ZBTB39: variants seen among roughly 807,000 people sequenced by gnomAD.
The protein encoded by ZBTB39 is zinc finger and BTB domain-containing protein 39.
A neutral mutation model predicts 39.4 loss-of-function variants in ZBTB39; 25 were observed. The ratio of observed to expected loss-of-function variants is 0.63; its 90% confidence interval spans 0.46 to 0.89. The LOEUF (loss-of-function observed/expected upper bound fraction) is 0.89, where lower values mean the gene tolerates loss of function less well. Among genes scored for constraint, ZBTB39 ranks in the 40% least tolerant of loss-of-function variants. The probability of loss-of-function intolerance (pLI) is 0.00; values close to 1 mark genes in which losing one functional copy is unlikely to be tolerated. For synonymous variants in ZBTB39, 373 were observed against 359.6 expected (o/e 1.04, Z -0.42); for missense variants, 891 against 909.7 (o/e 0.98, Z 0.26).
chr12:57,001,403 T>C lies in ZBTB39; in HGVS notation c.*1376A>G, dbSNP rs374288686. On this transcript the variant is annotated 3_prime_UTR_variant, in exon 2 of 2. Transcript: ENST00000300101. ...GGCTGAGGCCAGGGACTCCCAGAGC[T>C]CACCTGAGCAGGGTGAGGTAGTATG... is the stretch of plus-strand genomic sequence containing the variant. The C allele has an allele frequency of 6.6e-6, 1 of 152,556 alleles. No homozygotes were observed. The highest frequency in any genetic ancestry group is 1.9e-4 in the East Asian group (1 of 5,198). The allele number at this position is 152,556 out of a possible 1,614,324, so 9.5% of individuals were successfully genotyped here. A position where few individuals can be genotyped will look rare whatever the true frequency, so the allele number is the denominator to read the frequency against.
Position 57,003,138 on chromosome 12 carries a change from G to C in ZBTB39, c.1780C>G (p.Leu594Val). ...LPAEEFLGEE[L>V]ALQGQPGNSK... ...TTCCCAGGTTGGCCCTGCAGCGCCA[G>C]CTCTTCACCCAGAAACTCCTCTGCT... Residue 594 changes from leucine (L) to valine (V), a missense_variant, in exon 2 of 2, where the codon CTG becomes GTG. Coordinates refer to ENST00000300101, the MANE Select transcript of ZBTB39 (RefSeq NM_014830.3). The surrounding 1 kb of genome is among the most constrained non-coding windows in gnomAD (Gnocchi z 4.8). 2.5e-6 allele frequency: 4 copies of C among 1,614,172 alleles called. No homozygotes were observed. The highest frequency in any genetic ancestry group is 1.1e-5 in the South Asian group (1 of 91,084).
chr12:57,003,222 G>A lies in ZBTB39; in HGVS notation c.1696C>T (p.Leu566Phe), dbSNP rs1253538802. 6.2e-7 allele frequency: 1 copy of A among 1,614,200 alleles called. No individual in the cohort carries two copies. Among genetic ancestry groups the A allele is most frequent in the South Asian group, 1.1e-5 (1 of 91,082 alleles). The change falls in exon 2 of 2, where the codon CTT (leucine) becomes TTT (phenylalanine). Residue 566 changes from leucine to phenylalanine, a missense_variant. Leu to Phe is a conservative substitution (Grantham distance 22). Transcript: ENST00000300101. The surrounding 1 kb of genome is among the most constrained non-coding windows in gnomAD (Gnocchi z 4.8). ...HVSQHKCNSG[L>F]DARPGFGLQH... ...AGCCCAAAACCAGGCCGTGCATCAA[G>A]GCCACTGTTGCATTTGTGCTGGCTG...
rs947988706 is a variant in ZBTB39 at position 57,001,269 on chromosome 12, A to C, written c.*1510T>G. On this transcript the variant is annotated 3_prime_UTR_variant, in exon 2 of 2. Coordinates refer to ENST00000300101, the MANE Select transcript of ZBTB39 (RefSeq NM_014830.3). ...GATGCTGGGTAATGTGTATACAAAA[A>C]CAAAAATAAATAAATATTAATGTCC... is the stretch of plus-strand genomic sequence containing the variant. The C allele has an allele frequency of 6.6e-6, 1 of 152,670 alleles. No homozygotes were observed. The highest frequency in any genetic ancestry group is 2.4e-5 in the African/African-American group (1 of 41,460). 9.5% of individuals were successfully genotyped at this position (152,670 alleles called of 1,614,324 possible). A position where few individuals can be genotyped will look rare whatever the true frequency, so the allele number is the denominator to read the frequency against.
chr12:57,002,846 A>C lies in ZBTB39; in HGVS notation c.2072T>G (p.Phe691Cys), dbSNP rs1388474411. ...GTACATGAAGGTCTGCTCGATGGTG[A>C]AGTCAGGGGGGAGGCTGCCTTTGTG... ...GVHKGSLPPD[F>C]TIEQTFMYII... Residue 691 changes from phenylalanine (F) to cysteine (C), a missense_variant, in exon 2 of 2, where the codon TTC (phenylalanine) becomes TGC (cysteine). By Grantham distance (205) the Phe-to-Cys change is radical. Transcript: ENST00000300101. The C allele has an allele frequency of 6.2e-7, 1 of 1,614,034 alleles. No homozygotes were observed. The highest frequency in any genetic ancestry group is 8.5e-7 in the Non-Finnish European group (1 of 1,180,036).
rs544683094 is a variant in ZBTB39, at chr12:56,998,915, T to C, written c.*3864A>G. 86 of 152,766 alleles carry C rather than the reference T, an allele frequency of 5.6e-4. No individual in the cohort carries two copies. Among genetic ancestry groups the C allele is most frequent in the African/African-American group, 2.0e-3 (83 of 41,576 alleles). 9.5% of individuals were successfully genotyped at this position (152,766 alleles called of 1,614,324 possible). ...GAATATAAAAGAATCAGATGTACAATGATTTTAGACATCTACTATTTGGGG... is the reference window on the plus strand; with the variant it reads ...GAATATAAAAGAATCAGATGTACAACGATTTTAGACATCTACTATTTGGGG... On this transcript the variant is annotated 3_prime_UTR_variant, in exon 2 of 2. Coordinates refer to ENST00000300101, the MANE Select transcript of ZBTB39 (RefSeq NM_014830.3).
rs1035913702 is a variant in ZBTB39, at chr12:57,006,542, G to A, written c.-182C>T. On this transcript the variant is annotated 5_prime_UTR_variant, in exon 1 of 2. Transcript: ENST00000300101. Reference sequence around the variant, plus strand: ...CATCCGCCGCGCGGCTCGCCGCGACGGCCCGGGCCGCCCCCGCCGCCCGGC... The same window carrying A: ...CATCCGCCGCGCGGCTCGCCGCGACAGCCCGGGCCGCCCCCGCCGCCCGGC... 1.4e-5 allele frequency: 2 copies of A among 145,190 alleles called. No individual in the cohort carries two copies. Among genetic ancestry groups the A allele is most frequent in the East Asian group, 2.0e-4 (1 of 4,880 alleles). 9.0% of individuals were successfully genotyped at this position (145,190 alleles called of 1,614,324 possible). A position where few individuals can be genotyped will look rare whatever the true frequency, so the allele number is the denominator to read the frequency against.
At position 56,999,810 on chromosome 12, in the gene ZBTB39, C is replaced by G. The variant is rs918974711; in HGVS notation, c.*2969G>C. The G allele has an allele frequency of 2.6e-5, 4 of 152,144 alleles. No homozygotes were observed. Among genetic ancestry groups the G allele is most frequent in the African/African-American group, 9.7e-5 (4 of 41,406 alleles). 9.4% of individuals were successfully genotyped at this position (152,144 alleles called of 1,614,324 possible). A position where few individuals can be genotyped will look rare whatever the true frequency, so the allele number is the denominator to read the frequency against. Reference sequence around the variant, plus strand: ...ATGGCCTCATATTTGGTTTAATGCTCTATGACCACCACCTTGAAATTTTTA... The same window carrying G: ...ATGGCCTCATATTTGGTTTAATGCTGTATGACCACCACCTTGAAATTTTTA... On this transcript the variant is annotated 3_prime_UTR_variant, in exon 2 of 2. Transcript: ENST00000300101.
Position 57,003,748 on chromosome 12 carries a change from A to G in ZBTB39, c.1170T>C (p.His390=), listed in dbSNP as rs1164737537. 6.2e-7 allele frequency: 1 copy of G among 1,614,208 alleles called. No homozygotes were observed. Among genetic ancestry groups the G allele is most frequent in the Non-Finnish European group, 8.5e-7 (1 of 1,180,038 alleles). ...GGAAAATACCAATGTGGGACAGGAC[A>G]TGAGTTACCCGGGAGTTTCGGTCCT... is the stretch of plus-strand genomic sequence containing the variant. ...HFQDRNSRVT[H]VLSHIGIFLF... Residue 390 remains histidine, a synonymous_variant, in exon 2 of 2, where the codon CAT becomes CAC. Transcript: ENST00000300101. This position sits in a 1 kb window ranked among gnomAD's most constrained non-coding sequence, Gnocchi z 4.8.
At chr12:57,006,088 G>A (rs1370291288) in intron 1 of ZBTB39, among the ~76,000 whole-genome samples, 2 of 152,302 alleles carry the variant, frequency 1.3e-5, no homozygotes, top group South Asian at 2.1e-4. Context: ...CAATCCCCGG[G>A]CGCCGCGGTC....
Position 57,004,785 on chromosome 12 carries a change from T to C in ZBTB39, c.133A>G (p.Lys45Glu). Residue 45 changes from lysine (K) to glutamate (E), a missense_variant, in exon 2 of 2, where the codon AAG becomes GAG. Lys to Glu is a moderately conservative substitution (Grantham distance 56). Coordinates refer to ENST00000300101, the MANE Select transcript of ZBTB39 (RefSeq NM_014830.3). ...CCAGCTGCACAGGCCAGCACAGCCT[T>C]GTGGGCCGGGAAGGAGCGGCTCCCC... is the stretch of plus-strand genomic sequence containing the variant. ...VVGSRSFPAH[K>E]AVLACAAGYF... The C allele has an allele frequency of 1.2e-6, 2 of 1,614,162 alleles. No homozygotes were observed. The highest frequency in any genetic ancestry group is 1.7e-6 in the Non-Finnish European group (2 of 1,180,022).
Position 57,003,233 on chromosome 12 carries a change from C to G in ZBTB39, c.1685G>C (p.Cys562Ser). The G allele has an allele frequency of 5.0e-6, 8 of 1,614,214 alleles. No individual in the cohort carries two copies. The highest frequency in any genetic ancestry group is 6.8e-6 in the Non-Finnish European group (8 of 1,180,038). The part of the protein sequence containing the change: ...AYRYHVSQHK[C>S]NSGLDARPGF... ...AGGCCGTGCATCAAGGCCACTGTTG[C>G]ATTTGTGCTGGCTGACGTGGTAGCG... Residue 562 changes from cysteine to serine, a missense_variant, in exon 2 of 2, where the codon TGC (cysteine) becomes TCC (serine). Transcript: ENST00000300101. This position sits in a 1 kb window ranked among gnomAD's most constrained non-coding sequence, Gnocchi z 4.8.
chr12:57,004,042 A>T lies in ZBTB39; in HGVS notation c.876T>A (p.Asp292Glu), dbSNP rs778615678. 4.3e-6 allele frequency: 7 copies of T among 1,614,258 alleles called. No individual in the cohort carries two copies. The South Asian group carries it at 7.7e-5, about 18-fold the overall frequency. ...HSKDPGFGQM[D>E]ELQLEDLGDD... ...CCCCCAGGTCCTCGAGCTGGAGCTC[A>T]TCCATCTGCCCAAAGCCAGGATCTT... The change falls in exon 2 of 2, where the codon GAT becomes GAA. Residue 292 changes from aspartate (D) to glutamate (E), a missense_variant. Asp to Glu is a conservative substitution (Grantham distance 45). Coordinates refer to ENST00000300101, the MANE Select transcript of ZBTB39 (RefSeq NM_014830.3).
At position 56,998,983 on chromosome 12, in the gene ZBTB39, G is replaced by GT. The variant is rs1956194361; in HGVS notation, c.*3795dup. The stretch of plus-strand genomic sequence containing the variant: ...ATACAAAACTTTACAGCAATAGATA[G>GT]TAAACACTTAAATATTAGGAGGTCA... On this transcript the variant is annotated 3_prime_UTR_variant, in exon 2 of 2. Transcript: ENST00000300101. The GT allele has an allele frequency of 6.6e-6, 1 of 152,622 alleles. No homozygotes were observed. Among genetic ancestry groups the GT allele is most frequent in the South Asian group, 2.1e-4 (1 of 4,830 alleles). 9.5% of individuals were successfully genotyped at this position (152,622 alleles called of 1,614,324 possible).
In ZBTB39 at chr12:57,003,320, A is replaced by C; in HGVS notation, c.1598T>G (p.Leu533Arg). Residue 533 changes from leucine to arginine, a missense_variant, in exon 2 of 2, where the codon CTG (leucine) becomes CGG (arginine). By Grantham distance (102) the Leu-to-Arg change is moderately radical. Coordinates refer to ENST00000300101, the MANE Select transcript of ZBTB39 (RefSeq NM_014830.3). The surrounding 1 kb of genome is among the most constrained non-coding windows in gnomAD (Gnocchi z 4.8). ...LEKHMAVHQS[L>R]EDALFHCRLC... ...GCGGCAGTGGAAGAGGGCGTCTTCC[A>C]GACTTTGGTGCACAGCCATGTGCTT... The C allele has an allele frequency of 6.2e-7, 1 of 1,614,028 alleles. No homozygotes were observed. Among genetic ancestry groups the C allele is most frequent in the Non-Finnish European group, 8.5e-7 (1 of 1,179,932 alleles).
chr12:57,003,037 G>A lies in ZBTB39; in HGVS notation c.1881C>T (p.His627=). Reference sequence around the variant, plus strand: ...TACATTGGTATGGCTTCTCCCCCGTGTGGATCCGCCGGTGGTAGTTGAATT... The same window carrying A: ...TACATTGGTATGGCTTCTCCCCCGTATGGATCCGCCGGTGGTAGTTGAATT... ...TSEFNYHRRI[H]TGEKPYQCKV... Residue 627 remains histidine, a synonymous_variant, in exon 2 of 2, where the codon CAC becomes CAT. Coordinates refer to ENST00000300101, the MANE Select transcript of ZBTB39 (RefSeq NM_014830.3). This position sits in a 1 kb window ranked among gnomAD's most constrained non-coding sequence, Gnocchi z 4.8. The A allele has an allele frequency of 2.5e-6, 4 of 1,614,194 alleles. No individual in the cohort carries two copies. Among genetic ancestry groups the A allele is most frequent in the South Asian group, 1.1e-5 (1 of 91,074 alleles).
Position 56,999,733 on chromosome 12 carries a change from C to G in ZBTB39, c.*3046G>C, listed in dbSNP as rs1956199353. The stretch of plus-strand genomic sequence containing the variant: ...GCCACATGGAGCCTCTGCTGTTTAA[C>G]CCCGGGTGCCACACAAGTATTACCA... On this transcript the variant is annotated 3_prime_UTR_variant, in exon 2 of 2. Transcript: ENST00000300101. The G allele has an allele frequency of 1.3e-5, 2 of 152,182 alleles. No individual in the cohort carries two copies. Among genetic ancestry groups the G allele is most frequent in the Non-Finnish European group, 2.9e-5 (2 of 68,040 alleles). The allele number at this position is 152,182 out of a possible 1,614,324, so 9.4% of individuals were successfully genotyped here.
rs1956211755 is a variant in ZBTB39, at chr12:57,001,837, C to T, written c.*942G>A. On this transcript the variant is annotated 3_prime_UTR_variant, in exon 2 of 2. Transcript: ENST00000300101. Reference sequence around the variant, plus strand: ...GAGTCAGCTCATCTACACCACGGGCCAAACACTTCTGGACGGGAGACCAGA... The same window carrying T: ...GAGTCAGCTCATCTACACCACGGGCTAAACACTTCTGGACGGGAGACCAGA... 1 of 152,908 alleles carries T rather than the reference C, an allele frequency of 6.5e-6. No individual in the cohort carries two copies. The highest frequency in any genetic ancestry group is 2.1e-4 in the South Asian group (1 of 4,822). The allele number at this position is 152,908 out of a possible 1,614,324, so 9.5% of individuals were successfully genotyped here.
In ZBTB39 at chr12:57,004,127, T is replaced by C. The variant is rs140171956; in HGVS notation, c.791A>G (p.Asp264Gly). 6.2e-7 allele frequency: 1 copy of C among 1,614,216 alleles called. No homozygotes were observed. Among genetic ancestry groups the C allele is most frequent in the African/African-American group, 1.3e-5 (1 of 75,056 alleles). The change falls in exon 2 of 2, where the codon GAC becomes GGC. Residue 264 changes from aspartate to glycine, a missense_variant. Transcript: ENST00000300101. ...CCCAGTGGTAATGTCTACTGCATTG[T>C]CAGGGGTGAGGAAGCTGTTTTTACT... The part of the protein sequence containing the change: ...DFSKNSFLTP[D>G]NAVDITTGTN...
In ZBTB39 at chr12:57,000,357, T is replaced by G. The variant is rs1373382257; in HGVS notation, c.*2422A>C. On this transcript the variant is annotated 3_prime_UTR_variant, in exon 2 of 2. Coordinates refer to ENST00000300101, the MANE Select transcript of ZBTB39 (RefSeq NM_014830.3). ...CAAGGGCCAAGTTTCAAGGATCTGCTTTTTGGTTTACTGGCAAAAAGGGAA... is the reference window on the plus strand; with the variant it reads ...CAAGGGCCAAGTTTCAAGGATCTGCGTTTTGGTTTACTGGCAAAAAGGGAA... 3 of 152,648 alleles carry G rather than the reference T, an allele frequency of 2.0e-5. No homozygotes were observed. Among genetic ancestry groups the G allele is most frequent in the African/African-American group, 7.2e-5 (3 of 41,450 alleles). The allele number at this position is 152,648 out of a possible 1,614,324, so 9.5% of individuals were successfully genotyped here. A position where few individuals can be genotyped will look rare whatever the true frequency, so the allele number is the denominator to read the frequency against.
Sources: allele counts gnomAD v4.1 joint callset (sites outside exome capture counted in the v4.1 genomes callset), GRCh38; gene constraint gnomAD v4.1.1; non-coding constraint Gnocchi (gnomAD v3.1); transcripts MANE v1.5; gene names NCBI Gene and HGNC (gene_info 2026-07-23, HGNC 2026-07-21).